PTPRN2: variants seen among roughly 807,000 people sequenced by gnomAD.
PTPRN2 encodes the protein protein tyrosine phosphatase receptor type N2, also known as receptor-type tyrosine-protein phosphatase N2.
In PTPRN2, 74 loss-of-function variants were observed where a neutral mutation model predicts 118.8. The ratio of observed to expected loss-of-function variants is 0.62; its 90% CI spans 0.52 to 0.76. The LOEUF is 0.76. PTPRN2 is among the 30% of genes least tolerant of loss of function. PTPRN2 has a pLI of 0.00. For synonymous variants in PTPRN2, 641 were observed against 608.0 expected (o/e 1.05, Z -0.80); for missense variants, 1,481 against 1,394.4 (o/e 1.06, Z -0.99).
intron 14 of PTPRN2, 72 bp from the exon 15 acceptor site, chr7:157,621,581 C>T (rs1203414778): frequency 2.9e-5 from 46 of 1,583,062 alleles, no homozygotes; most frequent in South Asian, 7.9e-5. Context: ...CAAAAGGCAG[C>T]GGAGGCCTTT....
chr7:157,579,630 G>T (rs909417153), intron 17 of PTPRN2, among the ~76,000 whole-genome samples: 1 of 152,230 alleles, frequency 6.6e-6, no homozygotes, highest in African/African-American at 2.4e-5. Flanking sequence ...GACCCGGACG[G>T]CCTGGAAGCC....
At chr7:158,155,980 G>A (rs563893793) in intron 6 of PTPRN2, among the ~76,000 whole-genome samples, 7 of 152,178 alleles carry the variant, frequency 4.6e-5, no homozygotes, top group Non-Finnish European at 1.0e-4. Flanking sequence ...GCTTCCACAG[G>A]GAGAAACTGA....
At chr7:158,041,018 G>A (rs545431889) in intron 11 of PTPRN2, among the ~76,000 whole-genome samples, 4 of 152,242 alleles carry the variant, frequency 2.6e-5, no homozygotes, top group South Asian at 2.1e-4. Flanking sequence ...GGCGTGAGCC[G>A]CCACGCCCGG....
chr7:158,549,798 A>G (rs1826530199), intron 1 of PTPRN2, among the ~76,000 whole-genome samples: 1 of 152,262 alleles, frequency 6.6e-6, no homozygotes, highest in Non-Finnish European at 1.5e-5. Context: ...GTGTCCCCAG[A>G]GGGCTGGCAA....
At chr7:158,076,287 C>A (rs1232181527) in intron 11 of PTPRN2, among the ~76,000 whole-genome samples, 1 of 152,220 alleles carries the variant, frequency 6.6e-6, no homozygotes, top group Non-Finnish European at 1.5e-5. Flanking sequence ...CACCAGTGCA[C>A]AGCTCCACCC....
chr7:158,414,119 C>G (rs1293577661), intron 2 of PTPRN2, among the ~76,000 whole-genome samples: 1 of 148,664 alleles, frequency 6.7e-6, no homozygotes, highest in African/African-American at 2.5e-5. Flanking sequence ...AGTGTTCCAG[C>G]AGGGGGAGAA....
intron 12 of PTPRN2, among the ~76,000 whole-genome samples, chr7:157,761,286 T>C (rs201266961): frequency 1.3e-5 from 2 of 151,902 alleles, no homozygotes; most frequent in Non-Finnish European, 2.9e-5. Flanking sequence ...GAGCCCACAT[T>C]GCCAAGTCAA....
intron 12 of PTPRN2, among the ~76,000 whole-genome samples, chr7:157,852,938 C>T (rs1016740141): frequency 1.1e-4 from 16 of 151,792 alleles, no homozygotes; most frequent in African/African-American, 3.1e-4. Flanking sequence ...GATGTGCGTC[C>T]GGAGTGGCCA....
At chr7:157,650,091 T>A (rs1805544714) in intron 14 of PTPRN2, among the ~76,000 whole-genome samples, 1 of 152,182 alleles carries the variant, frequency 6.6e-6, no homozygotes, top group South Asian at 2.1e-4. Context: ...TCTCGGGGTC[T>A]CCAGAGCCGG....
At chr7:158,165,534 C>T (rs1183349967) in intron 6 of PTPRN2, among the ~76,000 whole-genome samples, 1 of 152,260 alleles carries the variant, frequency 6.6e-6, no homozygotes, top group Non-Finnish European at 1.5e-5. Flanking sequence ...ATAACGGCTG[C>T]ATGAACAAAG....
chr7:157,678,427 C>T (rs1269700436), intron 13 of PTPRN2, among the ~76,000 whole-genome samples: 8 of 152,294 alleles, frequency 5.3e-5, no homozygotes, highest in South Asian at 4.1e-4. Context: ...AGAGAAAGAA[C>T]GGTCTCTTAA....
At chr7:157,832,140 C>G (rs974642980) in intron 12 of PTPRN2, among the ~76,000 whole-genome samples, 1 of 152,212 alleles carries the variant, frequency 6.6e-6, no homozygotes, top group Non-Finnish European at 1.5e-5. Flanking sequence ...GCTGTGGCAG[C>G]TGCTCAGCCG....
intron 2 of PTPRN2, among the ~76,000 whole-genome samples, chr7:158,359,305 G>A (rs1056768216): frequency 5.9e-5 from 9 of 152,202 alleles, no homozygotes; most frequent in South Asian, 2.1e-4. Context: ...CCTCAAGCAC[G>A]AAATGAATGC....
At chr7:157,802,784 G>A (rs1165614109) in intron 12 of PTPRN2, among the ~76,000 whole-genome samples, 4 of 152,154 alleles carry the variant, frequency 2.6e-5, no homozygotes, top group East Asian at 1.9e-4. Context: ...GTATCTCATC[G>A]TGGCTCTGAT....
At chr7:158,188,146 G>A (rs7796684) in intron 5 of PTPRN2, among the ~76,000 whole-genome samples, 12,673 of 98,672 alleles carry the variant, frequency 0.13, 1,722 homozygotes, top group African/African-American at 0.18. Flanking sequence ...CAGCCACCAC[G>A]CTCGCCCCCT....
chr7:158,188,045 C>A (rs1206620784), intron 5 of PTPRN2, among the ~76,000 whole-genome samples: 1 of 151,912 alleles, frequency 6.6e-6, no homozygotes, highest in African/African-American at 2.4e-5. Context: ...CACCCAGCAG[C>A]CCTGGGGAGC....
chr7:158,495,129 T>C (rs1821735784), intron 1 of PTPRN2, among the ~76,000 whole-genome samples: 1 of 152,024 alleles, frequency 6.6e-6, no homozygotes, highest in Non-Finnish European at 1.5e-5. Context: ...GCAGTGGCAG[T>C]CTCACCACCG....
intron 2 of PTPRN2, among the ~76,000 whole-genome samples, chr7:158,487,002 C>T (rs546486511): frequency 2.1e-4 from 32 of 152,322 alleles, no homozygotes; most frequent in Admixed American, 8.5e-4. Flanking sequence ...ATCTTTAGTA[C>T]GTCACATGCG....
At chr7:157,965,283 G>C (rs1359440114) in intron 11 of PTPRN2, among the ~76,000 whole-genome samples, 1 of 152,088 alleles carries the variant, frequency 6.6e-6, no homozygotes, top group Non-Finnish European at 1.5e-5. Flanking sequence ...AAGTCAAGAT[G>C]CCTCTTATGA....
Sources: gnomAD v4.1 joint callset for allele counts (sites outside exome capture counted in the v4.1 genomes callset) on GRCh38, gnomAD v4.1.1 for gene constraint, MANE v1.5 for transcripts, NCBI Gene and HGNC (gene_info 2026-07-23, HGNC 2026-07-21) for gene names.